Variants in CCDC138 observed in about 807,000 individuals in gnomAD.
CCDC138 encodes the protein coiled-coil domain-containing protein 138.
A neutral mutation model predicts 82.3 loss-of-function variants in CCDC138; 66 were observed. The ratio of observed to expected loss-of-function variants is 0.80; its 90% CI spans 0.66 to 0.98. The LOEUF (loss-of-function observed/expected upper bound fraction) is 0.98. Among genes scored for constraint, CCDC138 ranks in the 50% least tolerant of loss-of-function variants. The pLI, the probability that CCDC138 is intolerant of heterozygous loss-of-function variation, is 0.00. For missense variants in CCDC138, 816 were observed against 758.9 expected (o/e 1.08, Z -0.88); for synonymous variants, 297 against 265.4 (o/e 1.12, Z -1.16).
At chr2:108,822,855 G>T (rs965368428) in intron 10 of CCDC138, among the ~76,000 whole-genome samples, 1 of 152,166 alleles carries the variant, frequency 6.6e-6, no homozygotes, top group Non-Finnish European at 1.5e-5. Flanking sequence ...AAAATCGACA[G>T]CCTGGCTGTG....
intron 13 of CCDC138, among the ~76,000 whole-genome samples, chr2:108,863,643 A>G (rs1249506508): frequency 1.3e-5 from 2 of 152,200 alleles, no homozygotes; most frequent in South Asian, 2.1e-4. Context: ...ATATTTCTAC[A>G]TAACCTTTGT....
intron 10 of CCDC138, among the ~76,000 whole-genome samples, chr2:108,818,326 G>C (rs1216108748): frequency 6.6e-6 from 1 of 151,848 alleles, no homozygotes; most frequent in Non-Finnish European, 1.5e-5. Flanking sequence ...AATGGAATCG[G>C]GATCATGTAA....
At chr2:108,830,934 G>A (rs1234307427) in intron 10 of CCDC138, among the ~76,000 whole-genome samples, 1 of 152,114 alleles carries the variant, frequency 6.6e-6, no homozygotes, top group African/African-American at 2.4e-5. Flanking sequence ...CAGCACTTTG[G>A]GATGCCGAGG....
chr2:108,852,542 A>T (rs553139070), intron 12 of CCDC138, among the ~76,000 whole-genome samples: 1 of 152,270 alleles, frequency 6.6e-6, no homozygotes, highest in Non-Finnish European at 1.5e-5. Flanking sequence ...AAAATGTGGT[A>T]CATATACACT....
intron 11 of CCDC138, among the ~76,000 whole-genome samples, chr2:108,840,141 T>C (rs1326027093): frequency 1.3e-5 from 2 of 152,176 alleles, no homozygotes; most frequent in Non-Finnish European, 2.9e-5. Flanking sequence ...AACTTGTTAA[T>C]ATGAATTACA....
At chr2:108,799,789 A>G (rs576949259) in intron 6 of CCDC138, among the ~76,000 whole-genome samples, 3 of 152,188 alleles carry the variant, frequency 2.0e-5, no homozygotes, top group Non-Finnish European at 4.4e-5. Flanking sequence ...AAGATTTCTG[A>G]GGCTCCATTC....
intron 7 of CCDC138, among the ~76,000 whole-genome samples, chr2:108,810,917 A>G (rs1683694688): frequency 1.3e-5 from 2 of 152,102 alleles, no homozygotes; most frequent in African/African-American, 4.8e-5. Flanking sequence ...CTTACGTTAT[A>G]TGTGCCTAGG....
At chr2:108,814,632 A>C (rs1375722627) in intron 9 of CCDC138, among the ~76,000 whole-genome samples, 1 of 148,926 alleles carries the variant, frequency 6.7e-6, no homozygotes, top group Non-Finnish European at 1.5e-5. Context: ...CTGTCTTTGA[A>C]TTTTTTTGTT....
At chr2:108,803,471 C>G (rs1287435421) in intron 6 of CCDC138, among the ~76,000 whole-genome samples, 1 of 152,118 alleles carries the variant, frequency 6.6e-6, no homozygotes, top group Non-Finnish European at 1.5e-5. Context: ...GAGACAGAGT[C>G]TTGCTGTGTT....
chr2:108,823,141 AT>A (rs1209266109), intron 10 of CCDC138, among the ~76,000 whole-genome samples: 6 of 152,224 alleles, frequency 3.9e-5, no homozygotes, highest in Admixed American at 1.3e-4. Flanking sequence ...AGTATCACTA[AT>A]TACAAAAAAA....
intron 10 of CCDC138, among the ~76,000 whole-genome samples, chr2:108,824,441 A>G (rs1226180401): frequency 6.6e-6 from 1 of 152,220 alleles, no homozygotes; most frequent in African/African-American, 2.4e-5. Context: ...ACACAGGGTC[A>G]GGATAATCAA....
intron 2 of CCDC138, among the ~76,000 whole-genome samples, chr2:108,788,481 G>A (rs1679323468): frequency 6.6e-6 from 1 of 152,026 alleles, no homozygotes; most frequent in Non-Finnish European, 1.5e-5. Context: ...CACTTTGGGA[G>A]GCGAGGCGGG....
At chr2:108,799,533 T>C (rs1250395091) in intron 6 of CCDC138, among the ~76,000 whole-genome samples, 1 of 152,186 alleles carries the variant, frequency 6.6e-6, no homozygotes, top group Non-Finnish European at 1.5e-5. Context: ...CAGAATGTCA[T>C]GTTAATAGCA....
At chr2:108,850,482 C>T (rs1574219039) in intron 12 of CCDC138, among the ~76,000 whole-genome samples, 1 of 152,036 alleles carries the variant, frequency 6.6e-6, no homozygotes, top group Non-Finnish European at 1.5e-5. Flanking sequence ...GACAGAGTTT[C>T]ACCCTGTCGC....
At chr2:108,836,045 G>A (rs147639288) in intron 10 of CCDC138, among the ~76,000 whole-genome samples, 199 of 152,270 alleles carry the variant, frequency 1.3e-3, no homozygotes, top group African/African-American at 4.7e-3. Context: ...CTCTCCTGAC[G>A]TAAACACTTC....
intron 10 of CCDC138, among the ~76,000 whole-genome samples, chr2:108,832,054 G>A (rs903166710): frequency 6.8e-6 from 1 of 147,964 alleles, no homozygotes; most frequent in Non-Finnish European, 1.5e-5. Context: ...TTTTGAAATG[G>A]AGTCTCACTC....
chr2:108,832,333 T>C (rs1196681885), intron 10 of CCDC138, among the ~76,000 whole-genome samples: 6 of 149,788 alleles, frequency 4.0e-5, no homozygotes, highest in African/African-American at 1.5e-4. Flanking sequence ...GGCCAGAATT[T>C]GTATTTCTTT....
At chr2:108,872,261 G>A (rs895156864) in intron 13 of CCDC138, among the ~76,000 whole-genome samples, 2 of 151,796 alleles carry the variant, frequency 1.3e-5, no homozygotes, top group African/African-American at 2.4e-5. Context: ...CCTGCCATTG[G>A]TGCCCAAAAT....
At chr2:108,811,245 C>CT (rs144518921) in intron 7 of CCDC138, among the ~76,000 whole-genome samples, 2 of 109,626 alleles carry the variant, frequency 1.8e-5, no homozygotes, top group African/African-American at 4.2e-5. Context: ...CTTTCTCTCT[C>CT]TCTTTTTTTT....
Sources: allele counts gnomAD v4.1 joint callset (sites outside exome capture counted in the v4.1 genomes callset), GRCh38; gene constraint gnomAD v4.1.1; transcripts MANE v1.5; gene names NCBI Gene and HGNC (gene_info 2026-07-23, HGNC 2026-07-21).